The following ATXN7 variants were observed in gnomAD, a reference collection of about 807,000 sequenced individuals.
ATXN7 encodes the protein ataxin 7.
In ATXN7, 12 loss-of-function variants were observed where a neutral mutation model predicts 70.5. The observed-to-expected ratio is 0.17, with a 90% CI of 0.11 to 0.28. ATXN7 has a LOEUF of 0.28. Ranked by LOEUF, ATXN7 falls within the 10% of genes least tolerant of loss-of-function variation. The probability of loss-of-function intolerance (pLI) is 1.00; values close to 1 mark genes in which losing one functional copy is unlikely to be tolerated. For missense variants in ATXN7, 1,256 were observed against 1,131.7 expected (o/e 1.11, Z -1.58); for synonymous variants, 498 against 448.7 (o/e 1.11, Z -1.39).
At chr3:63,972,092 T>A (rs1343647189) in intron 5 of ATXN7, among the ~76,000 whole-genome samples, 1 of 152,214 alleles carries the variant, frequency 6.6e-6, no homozygotes, top group Non-Finnish European at 1.5e-5. Context: ...TATGACAGTT[T>A]GGATTAATTG....
At chr3:63,997,337 G>C (rs750851475) in intron 12 of ATXN7, among the ~76,000 whole-genome samples, 2 of 152,080 alleles carry the variant, frequency 1.3e-5, no homozygotes, top group African/African-American at 4.8e-5. Context: ...TTCTCTTCCC[G>C]TTTTTGAGGG....
At chr3:63,916,119 C>A (rs976253773) in intron 4 of ATXN7, among the ~76,000 whole-genome samples, 1 of 152,194 alleles carries the variant, frequency 6.6e-6, no homozygotes, top group African/African-American at 2.4e-5. Flanking sequence ...GTTATTTCAT[C>A]TTTCTGAATA....
intron 4 of ATXN7, among the ~76,000 whole-genome samples, chr3:63,939,980 C>T (rs2074727569): frequency 6.6e-6 from 1 of 151,960 alleles, no homozygotes; most frequent in African/African-American, 2.4e-5. Flanking sequence ...AAAAAATCAG[C>T]AGTGATTCTT....
intron 2 of ATXN7, among the ~76,000 whole-genome samples, chr3:63,902,771 C>G (rs982970264): frequency 1.3e-5 from 2 of 152,028 alleles, no homozygotes; most frequent in Non-Finnish European, 2.9e-5. Context: ...TCAGTCCATG[C>G]CGTTGCCACT....
intron 2 of ATXN7, among the ~76,000 whole-genome samples, chr3:63,899,327 G>A (rs1291184260): frequency 6.6e-6 from 1 of 152,028 alleles, no homozygotes; most frequent in Non-Finnish European, 1.5e-5. Flanking sequence ...CTCCCAAAGT[G>A]GTGGGATTTC....
intron 12 of ATXN7, 180 bp downstream of exon 12, chr3:63,996,663 A>G (rs2075766301): frequency 1.3e-6 from 1 of 763,132 alleles, no homozygotes; most frequent in Admixed American, 3.2e-5. Context: ...GTATGAAGGT[A>G]AAACAGGCTC....
chr3:63,867,798 G>A (rs1702479134), intron 1 of ATXN7, among the ~76,000 whole-genome samples: 1 of 152,138 alleles, frequency 6.6e-6, no homozygotes, highest in African/African-American at 2.4e-5. Context: ...GCTGAGGCAG[G>A]AGAATCACTT....
chr3:63,891,184 ATTTTGAGTAGAGATGGGGTTTCACCTTG>A (rs1324858130), intron 1 of ATXN7, among the ~76,000 whole-genome samples: 1 of 149,764 alleles, frequency 6.7e-6, no homozygotes, highest in Non-Finnish European at 1.5e-5. Context: ...TAATTTTTGT[ATTTTGAGTAGAGATGGGGTTTCACCTTG>A]TTGGCCAGGC....
intron 11 of ATXN7, among the ~76,000 whole-genome samples, chr3:63,993,572 T>G (rs931344962): frequency 6.6e-6 from 1 of 152,224 alleles, no homozygotes; most frequent in Non-Finnish European, 1.5e-5. Flanking sequence ...TTTATGTATC[T>G]CTACATAGTT....
At chr3:63,887,385 G>A (rs891227079) in intron 1 of ATXN7, among the ~76,000 whole-genome samples, 24 of 152,204 alleles carry the variant, frequency 1.6e-4, no homozygotes, top group Admixed American at 1.6e-3. Context: ...GATGTTTGAA[G>A]TGTAGAAACT....
At chr3:63,952,585 C>G in intron 5 of ATXN7, 102 bp downstream of exon 5, 1 of 644,542 alleles carries the variant, frequency 1.6e-6, no homozygotes, top group Non-Finnish European at 2.4e-6. Flanking sequence ...AATGTCCCTC[C>G]CCCACCAGGA....
rs559051717 is a variant in ATXN7, at chr3:63,965,435, G to A, written c.499+12952G>A. On this transcript the variant is annotated intron_variant, in intron 5 of 12. Coordinates refer to ENST00000674280, the MANE Select transcript of ATXN7 (RefSeq NM_001377405.1). Reference sequence around the variant, plus strand: ...TCCTGCAAGTTTGCCTGTTTGCTGCGAATAGGCTAATGCACAGTTCAGAAC... The same window carrying A: ...TCCTGCAAGTTTGCCTGTTTGCTGCAAATAGGCTAATGCACAGTTCAGAAC... 3.9e-4 allele frequency among the ~76,000 whole-genome samples: 60 copies of A among 152,216 alleles called. 1 individual carries two copies. The South Asian group carries it at 7.3e-3, about 18-fold the overall frequency.
chr3:63,944,653 T>C (rs1429510149), intron 4 of ATXN7, among the ~76,000 whole-genome samples: 1 of 152,176 alleles, frequency 6.6e-6, no homozygotes, highest in Non-Finnish European at 1.5e-5. Flanking sequence ...AGCAAAACCA[T>C]GAATAAGCGG....
At chr3:63,901,774 T>C (rs1703649820) in intron 2 of ATXN7, 1 of 122,502 alleles carries the variant, frequency 8.2e-6, no homozygotes, top group African/African-American at 2.6e-5. Flanking sequence ...AGTATTCCAT[T>C]GTGTGTGTGT....
intron 1 of ATXN7, among the ~76,000 whole-genome samples, chr3:63,886,423 G>A (rs985256182): frequency 1.2e-4 from 18 of 152,166 alleles, no homozygotes; most frequent in African/African-American, 4.3e-4. Flanking sequence ...AAAAGATGAG[G>A]TGACAGATAT....
intron 5 of ATXN7, among the ~76,000 whole-genome samples, chr3:63,964,860 A>G (rs2075193660): frequency 6.6e-6 from 1 of 152,202 alleles, no homozygotes; most frequent in Non-Finnish European, 1.5e-5. Flanking sequence ...CCTTGGCAGC[A>G]GGTAAGGAAT....
At chr3:63,863,485 G>A (rs1467039855), upstream of ATXN7, 4 of 1,171,104 alleles carry the variant, frequency 3.4e-6, no homozygotes, top group Non-Finnish European at 4.2e-6. Context: ...CCAGCCCACC[G>A]ACCACGCTCC....
chr3:63,924,909 A>G (rs943438108), intron 4 of ATXN7, among the ~76,000 whole-genome samples: 1 of 152,192 alleles, frequency 6.6e-6, no homozygotes, highest in Admixed American at 6.6e-5. Flanking sequence ...TTTGGATAGT[A>G]TTAGGGAATG....
At chr3:63,879,106 A>G (rs1447352303) in intron 1 of ATXN7, among the ~76,000 whole-genome samples, 1 of 152,010 alleles carries the variant, frequency 6.6e-6, no homozygotes, top group Non-Finnish European at 1.5e-5. Context: ...TCATCATTTT[A>G]TCTCATCATC....
Sources: gnomAD v4.1 joint callset for allele counts (sites outside exome capture counted in the v4.1 genomes callset) on GRCh38, gnomAD v4.1.1 for gene constraint, MANE v1.5 for transcripts, NCBI Gene and HGNC (gene_info 2026-07-23, HGNC 2026-07-21) for gene names.